ZNF43: variants seen among roughly 807,000 people sequenced by gnomAD.
ZNF43 encodes the protein zinc finger protein 43, also known as zinc finger protein 39-like 1 (KOX 27).
In ZNF43, 44 loss-of-function variants were observed where a neutral mutation model predicts 68.4. The observed-to-expected ratio is 0.64, with a 90% CI of 0.51 to 0.83. The LOEUF (loss-of-function observed/expected upper bound fraction) is 0.83. Among genes scored for constraint, ZNF43 ranks in the 40% least tolerant of loss-of-function variants. ZNF43 has a pLI of 0.00. For synonymous variants in ZNF43, 308 were observed against 307.8 expected (o/e 1.00, Z -0.01); for missense variants, 896 against 933.2 (o/e 0.96, Z 0.52).
intron 1 of ZNF43, among the ~76,000 whole-genome samples, chr19:21,848,212 C>T (rs1209847332): frequency 2.0e-5 from 3 of 151,994 alleles, no homozygotes; most frequent in South Asian, 2.1e-4. Flanking sequence ...GGTGTCATGT[C>T]GGCTCACTGC....
chr19:21,829,964 G>A (rs1228156398), intron 1 of ZNF43, among the ~76,000 whole-genome samples: 1 of 152,078 alleles, frequency 6.6e-6, no homozygotes, highest in Admixed American at 6.6e-5. Flanking sequence ...ATAAAAATAT[G>A]GAGAAGGCTG....
At position 21,808,279 on chromosome 19, in the gene ZNF43, T is replaced by C; in HGVS notation, c.1758A>G (p.Lys586=). Residue 586 remains lysine (K), a synonymous_variant, in exon 4 of 4, where the codon AAA becomes AAG. Transcript: ENST00000354959. ...TGTAGAATTTCTCTCCAGTATGAAT[T>C]TTCTTATGTGTAGTAAGGTTTGAGG... ...TQSSNLTTHK[K]IHTGEKFYKC... The C allele has an allele frequency of 6.2e-7, 1 of 1,613,372 alleles. No homozygotes were observed.
At chr19:21,830,555 GAAAAA>G (rs562293163) in intron 1 of ZNF43, among the ~76,000 whole-genome samples, 1 of 101,950 alleles carries the variant, frequency 9.8e-6, no homozygotes. Context: ...TCCAAAGACT[GAAAAA>G]AAAAAAAAAA....
chr19:21,812,658 T>C lies in ZNF43; in HGVS notation c.230-2851A>G, dbSNP rs577898941. On this transcript the variant is annotated intron_variant, in intron 3 of 3. Coordinates refer to ENST00000354959, the MANE Select transcript of ZNF43 (RefSeq NM_003423.4). ...AAATCTGTTGATGATGCAATAAAAA[T>C]AAAACCATCCAGGTAGGTACAGTGG... Among the ~76,000 whole-genome samples the C allele has an allele frequency of 1.9e-3, 291 of 151,972 alleles. 2 individuals carry two copies. The highest frequency in any genetic ancestry group is 6.5e-3 in the African/African-American group (269 of 41,406).
intron 1 of ZNF43, chr19:21,843,327 C>T: frequency 1.0e-6 from 1 of 982,734 alleles, no homozygotes; most frequent in Middle Eastern, 5.2e-4. Context: ...ACAATCACAC[C>T]TGCAGAAAGA....
chr19:21,822,243 T>C (rs1451033641), intron 1 of ZNF43, among the ~76,000 whole-genome samples: 1 of 152,242 alleles, frequency 6.6e-6, no homozygotes, highest in Non-Finnish European at 1.5e-5. Flanking sequence ...CACTGTCCTG[T>C]CCCTACCAAA....
chr19:21,807,946 C>T lies in ZNF43; in HGVS notation c.2091G>A (p.Lys697=), dbSNP rs775624757. The change falls in exon 4 of 4, where the codon AAG becomes AAA. Residue 697 remains lysine (K), a synonymous_variant. Coordinates refer to ENST00000354959, the MANE Select transcript of ZNF43 (RefSeq NM_003423.4). ...AGGGTTTCTCTCCAGTATGAATAAT[C>T]TTATGTGTAGAAAGGGTTGAGGACA... ...FKLSSTLSTH[K]IIHTGEKPYK... The T allele has an allele frequency of 6.2e-7, 1 of 1,612,510 alleles. No individual in the cohort carries two copies. Among genetic ancestry groups the T allele is most frequent in the Non-Finnish European group, 8.5e-7 (1 of 1,179,682 alleles).
intron 3 of ZNF43, among the ~76,000 whole-genome samples, chr19:21,814,991 C>A (rs558660526): frequency 6.6e-6 from 1 of 151,944 alleles, no homozygotes; most frequent in Admixed American, 6.6e-5. Flanking sequence ...AATTCAAGAC[C>A]AGCCTGACCA....
At chr19:21,816,734 C>G (rs575034177) in intron 3 of ZNF43, among the ~76,000 whole-genome samples, 7 of 152,270 alleles carry the variant, frequency 4.6e-5, no homozygotes. Context: ...GGGAAATCCT[C>G]TCTGGTACTC....
At chr19:21,822,987 G>T (rs1421494208) in intron 1 of ZNF43, among the ~76,000 whole-genome samples, 4 of 152,012 alleles carry the variant, frequency 2.6e-5, no homozygotes, top group African/African-American at 4.8e-5. Context: ...ATCCCTTAAG[G>T]TTTTCTAGGA....
intron 1 of ZNF43, among the ~76,000 whole-genome samples, chr19:21,822,527 C>T (rs377764158): frequency 6.6e-5 from 10 of 152,122 alleles, no homozygotes; most frequent in Admixed American, 2.0e-4. Flanking sequence ...GTTCCGTGGC[C>T]GGGCGCGGTG....
rs888825388 is a variant in ZNF43 at position 21,835,250 on chromosome 19, AAAAAAAAAAAAAAAAAG to A, written c.3+769_3+785del. Among the ~76,000 whole-genome samples, 219 of 47,060 alleles carry A rather than the reference AAAAAAAAAAAAAAAAAG, an allele frequency of 4.7e-3. 1 individual carries two copies. The African/African-American group carries it at 0.049, about 10-fold the overall frequency. The allele number at this position is 47,060 out of a possible 152,430, so 30.9% of individuals were successfully genotyped here. On this transcript the variant is annotated intron_variant, in intron 1 of 3. Transcript: ENST00000354959. Reference sequence around the variant, plus strand: ...GGCAGCAAAAGCGAAAGTCCATCTCAAAAAAAAAAAAAAAAAGAAAAAAAAGAAAAAATAGTTGATAA... The same window carrying A: ...GGCAGCAAAAGCGAAAGTCCATCTCAAAAAAAAAGAAAAAATAGTTGATAA...
intron 1 of ZNF43, among the ~76,000 whole-genome samples, chr19:21,835,089 T>C (rs937412682): frequency 2.0e-5 from 3 of 148,102 alleles, no homozygotes; most frequent in Non-Finnish European, 4.5e-5. Context: ...TTACTAAAAA[T>C]ACAAAAAAAA....
At chr19:21,849,488 CAAAAAAAA>C (rs35354919) in intron 1 of ZNF43, among the ~76,000 whole-genome samples, 12 of 29,506 alleles carry the variant, frequency 4.1e-4, no homozygotes, top group South Asian at 1.4e-3. Context: ...AACCCTGCCT[CAAAAAAAA>C]AAAAAAAAAA....
intron 1 of ZNF43, 28 bp downstream of exon 1, chr19:21,836,007 CT>C: frequency 6.2e-7 from 1 of 1,613,912 alleles, no homozygotes; most frequent in African/African-American, 1.3e-5. Flanking sequence ...CCCCTTCCCC[CT>C]CTCGGGATGT....
At position 21,819,223 on chromosome 19, in the gene ZNF43, T is replaced by TAA; in HGVS notation, c.4-4_4-3dup. The TAA allele has an allele frequency of 1.3e-6, 2 of 1,582,602 alleles. No individual in the cohort carries two copies. The highest frequency in any genetic ancestry group is 8.6e-7 in the Non-Finnish European group (1 of 1,169,128). ...CACATCCATAAATGTCAATGGTCCC[T>TAA]AAAAAAAACAACACATACACACACA... On this transcript the variant is annotated splice_polypyrimidine_tract_variant and splice_region_variant and intron_variant, in intron 1 of 3. Transcript: ENST00000354959.
intron 2 of ZNF43, among the ~76,000 whole-genome samples, 183 bp downstream of exon 2, chr19:21,818,912 T>C (rs75458430): frequency 0.087 from 13,249 of 152,056 alleles, 641 homozygotes; most frequent in Middle Eastern, 0.15. Context: ...ATGTGGAAAG[T>C]TCAGGTCAAG....
chr19:21,845,024 T>C (rs1393337167), intron 1 of ZNF43, among the ~76,000 whole-genome samples: 1 of 148,578 alleles, frequency 6.7e-6, no homozygotes, highest in Non-Finnish European at 1.5e-5. Flanking sequence ...TCTAGAGATA[T>C]GTCACAATCT....
rs2145161599 is a variant in ZNF43 at position 21,809,312 on chromosome 19, G to T, written c.725C>A (p.Ser242Tyr). ...CEECGKVFNW[S>Y]SRLTTHKKNY... is the part of the protein sequence containing the mutation. The stretch of plus-strand genomic sequence containing the variant: ...TTTTTTATGTGTAGTAAGGCGTGAG[G>T]ACCAATTAAAGACTTTGCCACATTC... The change falls in exon 4 of 4, where the codon TCC (serine) becomes TAC (tyrosine). Residue 242 changes from serine to tyrosine, a missense_variant. Transcript: ENST00000354959. The T allele has an allele frequency of 6.2e-7, 1 of 1,610,638 alleles. No individual in the cohort carries two copies.
Sources: gnomAD v4.1 joint callset for allele counts (sites outside exome capture counted in the v4.1 genomes callset) on GRCh38, gnomAD v4.1.1 for gene constraint, MANE v1.5 for transcripts, NCBI Gene and HGNC (gene_info 2026-07-23, HGNC 2026-07-21) for gene names.